Variants in SLC39A11 observed in about 807,000 individuals in gnomAD.
SLC39A11 encodes zinc transporter ZIP11.
Under a neutral mutation model 36.1 loss-of-function variants are expected in SLC39A11, and 33 were observed. That is an observed-to-expected ratio of 0.91 (90% CI 0.69 to 1.22). SLC39A11 has a LOEUF of 1.22. SLC39A11 is among the 50% of genes most tolerant of loss of function. The pLI is 0.00. For synonymous variants in SLC39A11, 166 were observed against 170.3 expected (o/e 0.97, Z 0.20); for missense variants, 432 against 430.3 (o/e 1.00, Z -0.03).
intron 5 of SLC39A11, among the ~76,000 whole-genome samples, chr17:72,943,422 G>A (rs995901710): frequency 6.6e-6 from 1 of 152,170 alleles, no homozygotes; most frequent in Non-Finnish European, 1.5e-5. Context: ...TGCAAAACAT[G>A]GCTTTGATAA....
intron 4 of SLC39A11, among the ~76,000 whole-genome samples, chr17:73,025,181 TC>T (rs1014946436): frequency 6.6e-6 from 1 of 152,002 alleles, no homozygotes; most frequent in African/African-American, 2.4e-5. Context: ...CTTGCCAGCC[TC>T]CCCCACCCTC....
At chr17:72,662,691 A>C (rs1320578417) in intron 7 of SLC39A11, among the ~76,000 whole-genome samples, 1 of 150,660 alleles carries the variant, frequency 6.6e-6, no homozygotes, top group Non-Finnish European at 1.5e-5. Flanking sequence ...GAAAAGAAAA[A>C]GAAAAGGAAG....
chr17:72,897,103 G>A (rs559649006), intron 5 of SLC39A11, among the ~76,000 whole-genome samples: 3 of 149,860 alleles, frequency 2.0e-5, no homozygotes, highest in African/African-American at 7.4e-5. Flanking sequence ...CCTCAAGGGT[G>A]AGTGAGAGCA....
At chr17:72,993,664 C>T (rs1182644137) in intron 4 of SLC39A11, among the ~76,000 whole-genome samples, 1 of 152,174 alleles carries the variant, frequency 6.6e-6, no homozygotes, top group East Asian at 1.9e-4. Flanking sequence ...ATGAGACTTG[C>T]CAGTCTTCCC....
intron 6 of SLC39A11, among the ~76,000 whole-genome samples, chr17:72,821,161 T>G (rs1236322064): frequency 6.6e-6 from 1 of 150,518 alleles, no homozygotes; most frequent in Admixed American, 6.6e-5. Flanking sequence ...GAGATCATCA[T>G]GCAGTAGGGT....
intron 4 of SLC39A11, among the ~76,000 whole-genome samples, chr17:72,978,456 G>C (rs1378399562): frequency 6.6e-6 from 1 of 152,192 alleles, no homozygotes; most frequent in Admixed American, 6.5e-5. Flanking sequence ...TTCTAGGAAG[G>C]AAATAAACAG....
rs2058739517 is a variant in SLC39A11 at position 73,031,577 on chromosome 17, A to G, written c.285T>C (p.Ala95=). The change falls in exon 4 of 10, where the codon GCT becomes GCC. Residue 95 remains alanine (A), a synonymous_variant. Coordinates refer to ENST00000255559, the MANE Select transcript of SLC39A11 (RefSeq NM_139177.4). ...TCACCAAGTGAGGCATCAGGAGGTCAGCCAAGTAGACAAAAGCCGCTCCAA... is the reference window on the plus strand; with the variant it reads ...TCACCAAGTGAGGCATCAGGAGGTCGGCCAAGTAGACAAAAGCCGCTCCAA... ...FTLGAAFVYL[A]DLLMPHLGAA... is the part of the protein sequence containing the mutation. 6.2e-7 allele frequency: 1 copy of G among 1,614,090 alleles called. No individual in the cohort carries two copies. Among genetic ancestry groups the G allele is most frequent in the Non-Finnish European group, 8.5e-7 (1 of 1,180,052 alleles).
chr17:72,970,504 G>A (rs1050721367), intron 4 of SLC39A11, among the ~76,000 whole-genome samples: 4 of 152,294 alleles, frequency 2.6e-5, no homozygotes, highest in African/African-American at 9.6e-5. Flanking sequence ...AGAGAGGCAG[G>A]GAAGCAAAGC....
chr17:72,743,500 G>A (rs991092581), intron 6 of SLC39A11, among the ~76,000 whole-genome samples: 1 of 152,182 alleles, frequency 6.6e-6, no homozygotes, highest in African/African-American at 2.4e-5. Flanking sequence ...CCTGGCGGGA[G>A]AGAACCACAA....
At chr17:72,826,125 G>T (rs950073267) in intron 6 of SLC39A11, among the ~76,000 whole-genome samples, 29 of 152,310 alleles carry the variant, frequency 1.9e-4, no homozygotes, top group Non-Finnish European at 2.8e-4. Context: ...AGTGTTGGAG[G>T]AAAGGCCTGG....
chr17:73,007,517 TTGGCC>T (rs1196649036), intron 4 of SLC39A11, among the ~76,000 whole-genome samples: 1 of 152,102 alleles, frequency 6.6e-6, no homozygotes, highest in Non-Finnish European at 1.5e-5. Flanking sequence ...AAGGAAGGAC[TTGGCC>T]TGGTGAAAGC....
chr17:73,049,533 T>C (rs1255002275), intron 3 of SLC39A11, among the ~76,000 whole-genome samples: 4 of 152,220 alleles, frequency 2.6e-5, no homozygotes, highest in Non-Finnish European at 5.9e-5. Context: ...TCAAGAACCC[T>C]GTGCCAAGAT....
At chr17:73,031,493 T>C in intron 4 of SLC39A11, 63 bp downstream of exon 4, 2 of 1,570,456 alleles carry the variant, frequency 1.3e-6, no homozygotes, top group Non-Finnish European at 1.7e-6. Context: ...TGATCAGAAA[T>C]AAATTCATTG....
At chr17:73,014,515 C>T (rs1178606770) in intron 4 of SLC39A11, among the ~76,000 whole-genome samples, 6 of 152,260 alleles carry the variant, frequency 3.9e-5, no homozygotes, top group Admixed American at 3.9e-4. Context: ...AAGAATTAGT[C>T]GGTCATGTTA....
chr17:72,763,797 GA>G (rs2075672795), intron 6 of SLC39A11, among the ~76,000 whole-genome samples: 1 of 152,206 alleles, frequency 6.6e-6, no homozygotes, highest in African/African-American at 2.4e-5. Flanking sequence ...AGCTTCACTT[GA>G]AGGAGCCAGA....
In SLC39A11 at chr17:72,919,986, G is replaced by A. The variant is rs934780797; in HGVS notation, c.430+27766C>T. On this transcript the variant is annotated intron_variant, in intron 5 of 9. Coordinates refer to ENST00000255559, the MANE Select transcript of SLC39A11 (RefSeq NM_139177.4). ...GAATGATGTTTGAGATCAATGGACT[G>A]CCAGCTAGAGCTTGGGTTGCTTTCT... Among the ~76,000 whole-genome samples, 6 of 152,186 alleles carry A rather than the reference G, an allele frequency of 3.9e-5. No homozygotes were observed. In the East Asian group the frequency reaches 7.7e-4, roughly 20 times the overall value.
intron 6 of SLC39A11, among the ~76,000 whole-genome samples, chr17:72,789,184 G>A (rs553737084): frequency 3.3e-5 from 5 of 152,190 alleles, no homozygotes; most frequent in African/African-American, 9.6e-5. Context: ...ACACGCGCAC[G>A]CCACCATGTC....
chr17:72,857,449 T>C (rs758529955), intron 5 of SLC39A11, among the ~76,000 whole-genome samples: 1 of 152,214 alleles, frequency 6.6e-6, no homozygotes, highest in Non-Finnish European at 1.5e-5. Context: ...AACATTGATG[T>C]GCATGTGTCT....
intron 5 of SLC39A11, among the ~76,000 whole-genome samples, chr17:72,857,879 T>A (rs1290025628): frequency 6.6e-6 from 1 of 152,230 alleles, no homozygotes; most frequent in East Asian, 1.9e-4. Flanking sequence ...GGATATTATA[T>A]CTGTCAGATG....
Sources: allele counts gnomAD v4.1 joint callset (sites outside exome capture counted in the v4.1 genomes callset), GRCh38; gene constraint gnomAD v4.1.1; transcripts MANE v1.5; gene names NCBI Gene and HGNC (gene_info 2026-07-23, HGNC 2026-07-21).